The following TPST1 variants were observed in gnomAD, a reference collection of about 807,000 sequenced individuals.
The protein encoded by TPST1 is tyrosylprotein sulfotransferase 1.
A neutral mutation model predicts 34.8 loss-of-function variants in TPST1; 20 were observed. The ratio of observed to expected loss-of-function variants is 0.57; its 90% confidence interval spans 0.40 to 0.84. The LOEUF is 0.84. Among genes scored for constraint, TPST1 ranks in the 40% least tolerant of loss-of-function variants. The probability of loss-of-function intolerance (pLI) is 0.00; values close to 1 mark genes in which losing one functional copy is unlikely to be tolerated. For synonymous variants in TPST1, 152 were observed against 159.4 expected (o/e 0.95, Z 0.35); for missense variants, 353 against 455.5 (o/e 0.78, Z 2.05).
At chr7:66,330,333 G>T (rs900528757) in intron 3 of TPST1, among the ~76,000 whole-genome samples, 7 of 152,148 alleles carry the variant, frequency 4.6e-5, no homozygotes, top group Non-Finnish European at 5.9e-5. Context: ...ATAAGTGTAG[G>T]AAATGTGAGC....
chr7:66,210,065 G>T (rs1562795802), intron 1 of TPST1, among the ~76,000 whole-genome samples: 1 of 152,164 alleles, frequency 6.6e-6, no homozygotes, highest in Non-Finnish European at 1.5e-5. Context: ...CCAATAGGTG[G>T]TCATTATAGG....
upstream of TPST1, among the ~76,000 whole-genome samples, chr7:66,201,690 A>T (rs1457463747): frequency 7.0e-6 from 1 of 143,438 alleles, no homozygotes; most frequent in Non-Finnish European, 1.5e-5. Flanking sequence ...GACTCTGTCT[A>T]AAAAAAAAAA....
At chr7:66,320,672 C>T (rs1392225226) in intron 3 of TPST1, among the ~76,000 whole-genome samples, 1 of 151,988 alleles carries the variant, frequency 6.6e-6, no homozygotes, top group Non-Finnish European at 1.5e-5. Context: ...GATCTCGTCT[C>T]ACCACAACCT....
intron 3 of TPST1, among the ~76,000 whole-genome samples, chr7:66,340,331 C>G (rs539572871): frequency 6.6e-6 from 1 of 152,114 alleles, no homozygotes; most frequent in South Asian, 2.1e-4. Context: ...AGATTAGGAA[C>G]AGACAAGGAT....
chr7:66,215,049 ATATATT>A (rs1284327551), intron 1 of TPST1, among the ~76,000 whole-genome samples: 2 of 147,076 alleles, frequency 1.4e-5, no homozygotes, highest in African/African-American at 4.9e-5. Flanking sequence ...ATTATATTAA[ATATATT>A]TATATATATA....
intron 3 of TPST1, among the ~76,000 whole-genome samples, chr7:66,347,283 G>A (rs541977273): frequency 6.6e-6 from 1 of 151,866 alleles, no homozygotes; most frequent in Admixed American, 6.6e-5. Context: ...GCCCGGGCTG[G>A]TCTCAAACTT....
chr7:66,334,774 C>T (rs1315645014), intron 3 of TPST1, among the ~76,000 whole-genome samples: 1 of 152,110 alleles, frequency 6.6e-6, no homozygotes, highest in African/African-American at 2.4e-5. Flanking sequence ...CCACCCCTTC[C>T]CCCCAAGCTG....
intron 1 of TPST1, among the ~76,000 whole-genome samples, chr7:66,227,719 G>C (rs1451733683): frequency 8.1e-6 from 1 of 124,008 alleles, no homozygotes; most frequent in Admixed American, 8.7e-5. Context: ...TTTGAAAGTA[G>C]AGCCAACAGA....
chr7:66,350,304 C>T (rs185429300), intron 3 of TPST1, among the ~76,000 whole-genome samples: 96 of 152,236 alleles, frequency 6.3e-4, no homozygotes, highest in Admixed American at 1.9e-3. Flanking sequence ...CATGAGCTAC[C>T]GCGCCCAGCC....
At chr7:66,349,774 G>A (rs1310448236) in intron 3 of TPST1, among the ~76,000 whole-genome samples, 4 of 152,076 alleles carry the variant, frequency 2.6e-5, no homozygotes, top group East Asian at 1.9e-4. Flanking sequence ...TGAATAGAGG[G>A]AGAAGGAAAG....
At chr7:66,215,474 A>C (rs2116247208) in intron 1 of TPST1, among the ~76,000 whole-genome samples, 1 of 150,986 alleles carries the variant, frequency 6.6e-6, no homozygotes, top group Admixed American at 6.6e-5. Flanking sequence ...TCCTGGGTTC[A>C]CACGATTCTC....
chr7:66,258,822 G>A (rs1333561082), intron 2 of TPST1, among the ~76,000 whole-genome samples: 1 of 152,190 alleles, frequency 6.6e-6, no homozygotes, highest in Non-Finnish European at 1.5e-5. Flanking sequence ...TTTGCCCAGA[G>A]TTTTTGCTGC....
Position 66,304,781 on chromosome 7 carries a change from C to T in TPST1, c.1044+18072C>T, listed in dbSNP as rs185416376. 5.3e-5 allele frequency among the ~76,000 whole-genome samples: 8 copies of T among 151,918 alleles called. No individual in the cohort carries two copies. The East Asian group carries it at 1.4e-3, about 26-fold the overall frequency. The stretch of plus-strand genomic sequence containing the variant: ...TGAGTCACATCCCCTCTTTGATATC[C>T]TAAAACTTACATATACTGAGATACA... On this transcript the variant is annotated intron_variant, in intron 3 of 5. Transcript: ENST00000304842.
intron 4 of TPST1, among the ~76,000 whole-genome samples, chr7:66,354,153 G>A (rs2116396849): frequency 6.6e-6 from 1 of 152,270 alleles, no homozygotes; most frequent in South Asian, 2.1e-4. Context: ...GATTTATCCA[G>A]AAGAATCCGA....
intron 2 of TPST1, among the ~76,000 whole-genome samples, chr7:66,244,727 G>C (rs959418590): frequency 1.3e-5 from 2 of 152,098 alleles, no homozygotes; most frequent in Non-Finnish European, 2.9e-5. Flanking sequence ...AAATTACGTG[G>C]AACAAATAAA....
At chr7:66,199,966 G>A in the TPST1 span, among the ~76,000 whole-genome samples, 8 of 151,690 alleles carry the variant, frequency 5.3e-5, no homozygotes, top group Admixed American at 4.6e-4. Context: ...TCCTCACCTC[G>A]TGATCTGCCC....
intron 3 of TPST1, among the ~76,000 whole-genome samples, chr7:66,351,412 C>A (rs146054614): frequency 1.8e-4 from 28 of 152,216 alleles, no homozygotes; most frequent in African/African-American, 6.3e-4. Flanking sequence ...TGTTTCTGGA[C>A]CTGTCATTCT....
chr7:66,357,948 G>A (rs1792615532), intron 5 of TPST1, among the ~76,000 whole-genome samples: 1 of 152,186 alleles, frequency 6.6e-6, no homozygotes, highest in African/African-American at 2.4e-5. Context: ...GCTGGGTGTG[G>A]TGGCAGGGAC....
chr7:66,337,532 C>T (rs1354478726), intron 3 of TPST1, among the ~76,000 whole-genome samples: 1 of 152,032 alleles, frequency 6.6e-6, no homozygotes, highest in Non-Finnish European at 1.5e-5. Flanking sequence ...TGGTCTCGAA[C>T]TCCTGACCTC....
Sources: allele counts gnomAD v4.1 joint callset (sites outside exome capture counted in the v4.1 genomes callset), GRCh38; gene constraint gnomAD v4.1.1; transcripts MANE v1.5; gene names NCBI Gene and HGNC (gene_info 2026-07-23, HGNC 2026-07-21).